The following CFAP46 variants were observed in gnomAD, a reference collection of about 807,000 sequenced individuals.
CFAP46 encodes cilia and flagella associated protein 46, also known as cilia- and flagella-associated protein 46.
CFAP46 carries 245 observed loss-of-function variants against 325.7 expected under a neutral mutation model. That is an observed-to-expected ratio of 0.75 (90% confidence interval 0.68 to 0.84). CFAP46 has a LOEUF of 0.84. CFAP46 is among the 40% of genes least tolerant of loss of function. CFAP46 has a pLI of 0.00. For missense variants in CFAP46, 3,346 were observed against 3,543.0 expected (o/e 0.94, Z 1.41); for synonymous variants, 1,523 against 1,495.9 (o/e 1.02, Z -0.42).
chr10:132,916,087 C>A (rs117949810), intron 17 of CFAP46, among the ~76,000 whole-genome samples: 5,999 of 152,246 alleles, frequency 0.039, 169 homozygotes, highest in South Asian at 0.066. Flanking sequence ...ACACACAAGG[C>A]GTTTTCGAGG....
intron 34 of CFAP46, among the ~76,000 whole-genome samples, chr10:132,866,462 T>G (rs1236068230): frequency 6.6e-6 from 1 of 152,198 alleles, no homozygotes; most frequent in Non-Finnish European, 1.5e-5. Context: ...CGTAGAGCCT[T>G]TGCTACTCCA....
chr10:132,825,082 GA>G (rs1848017455), intron 50 of CFAP46, among the ~76,000 whole-genome samples: 1 of 144,008 alleles, frequency 6.9e-6, no homozygotes, highest in African/African-American at 2.7e-5. Flanking sequence ...TGTGTGCGCT[GA>G]TGTGTGCTGT....
In CFAP46 at chr10:132,817,950, C is replaced by A. The variant is rs996556333; in HGVS notation, c.7118-3036G>T. On this transcript the variant is annotated intron_variant, in intron 50 of 57. Transcript: ENST00000368586. This position sits in a 1 kb window ranked among gnomAD's most constrained non-coding sequence, Gnocchi z 4.4. ...TGGCCACGCCCTCCATCCTCACCGT[C>A]GGCAGCGCAGCCCCCAGGCTCCTTC... Among the ~76,000 whole-genome samples the A allele has an allele frequency of 6.6e-6, 1 of 152,204 alleles. No individual in the cohort carries two copies. Among genetic ancestry groups the A allele is most frequent in the Non-Finnish European group, 1.5e-5 (1 of 68,038 alleles).
At position 132,935,561 on chromosome 10, in the gene CFAP46, C is replaced by T. The variant is rs190176394; in HGVS notation, c.756-699G>A. 2.2e-3 allele frequency among the ~76,000 whole-genome samples: 194 copies of T among 87,460 alleles called. 2 individuals carry two copies. The highest frequency in any genetic ancestry group is 8.1e-3 in the African/African-American group (170 of 21,114). The allele number at this position is 87,460 out of a possible 152,430, so 57.4% of individuals were successfully genotyped here. A position where few individuals can be genotyped will look rare whatever the true frequency, so the allele number is the denominator to read the frequency against. On this transcript the variant is annotated intron_variant, in intron 7 of 57. Transcript: ENST00000368586. The stretch of plus-strand genomic sequence containing the variant: ...CTCCCCTCGGCACCCAAACACACTG[C>T]GATCTTCTCATTCCCCTCAGCACCC...
rs961736440 is a variant in CFAP46 at position 132,889,359 on chromosome 10, A to G, written c.3304+2974T>C. 7.9e-5 allele frequency among the ~76,000 whole-genome samples: 12 copies of G among 152,204 alleles called. No homozygotes were observed. The highest frequency in any genetic ancestry group is 1.5e-4 in the Non-Finnish European group (10 of 68,018). On this transcript the variant is annotated intron_variant, in intron 25 of 57. Coordinates refer to ENST00000368586, the MANE Select transcript of CFAP46 (RefSeq NM_001200049.3). This position sits in a 1 kb window ranked among gnomAD's most constrained non-coding sequence, Gnocchi z 6.0. ...GCCCATGGCTGGAAGGAAGGCACCCATGGCTAGGAGGGCGGCACCCCATTG... is the reference window on the plus strand; with the variant it reads ...GCCCATGGCTGGAAGGAAGGCACCCGTGGCTAGGAGGGCGGCACCCCATTG...
chr10:132,848,041 G>C (rs540338235), intron 41 of CFAP46, among the ~76,000 whole-genome samples: 2 of 152,206 alleles, frequency 1.3e-5, no homozygotes, highest in South Asian at 4.2e-4. Context: ...TCTCGACGGA[G>C]CACACGCCGT....
chr10:132,825,562 C>T (rs1017478192), intron 50 of CFAP46, among the ~76,000 whole-genome samples: 2 of 152,132 alleles, frequency 1.3e-5, no homozygotes, highest in South Asian at 4.1e-4. Flanking sequence ...CCGGTCACAC[C>T]TCAACAAAGT....
intron 22 of CFAP46, among the ~76,000 whole-genome samples, chr10:132,906,214 G>A (rs921080037): frequency 2.0e-5 from 3 of 152,262 alleles, no homozygotes; most frequent in African/African-American, 7.2e-5. Context: ...GGCAGTGCCA[G>A]GCCAGCAGGG....
chr10:132,908,625 T>G lies in CFAP46; in HGVS notation c.2767A>C (p.Met923Leu), dbSNP rs1849494793. ...TCCGACCAGTTGCACTCGGAAGCCA[T>G]TTTCACCAACTTCCGGTGGGTGGCA... ...TVPSLAQLVK[M>L]ASECNWSDPL... Residue 923 changes from methionine to leucine, a missense_variant, in exon 22 of 58, where the codon ATG (methionine) becomes CTG (leucine). By Grantham distance (15) the Met-to-Leu change is conservative. Transcript: ENST00000368586. 6.5e-6 allele frequency: 10 copies of G among 1,535,096 alleles called. No individual in the cohort carries two copies. The highest frequency in any genetic ancestry group is 2.0e-5 in the Admixed American group (1 of 48,840).
chr10:132,899,604 A>G lies in CFAP46; in HGVS notation c.2987T>C (p.Ile996Thr), dbSNP rs889820982. ...CTTCCGGCCCTTCAGGTTTTCCATG[A>G]TGCTCCTGCCCTGGATGGCCGTGGC... is the stretch of plus-strand genomic sequence containing the variant. Reference protein sequence around the residue: ...CTATAIQGRSIMENLKGRKQL... With the variant: ...CTATAIQGRSTMENLKGRKQL... Residue 996 changes from isoleucine to threonine, a missense_variant, in exon 23 of 58, where the codon ATC (isoleucine) becomes ACC (threonine). Transcript: ENST00000368586. 3.1e-5 allele frequency: 48 copies of G among 1,549,894 alleles called. No homozygotes were observed. In the Middle Eastern group the frequency reaches 5.2e-4, roughly 17 times the overall value.
At chr10:132,941,929 T>C (rs537512531) in intron 2 of CFAP46, 51 bp downstream of exon 2, 38 of 1,546,146 alleles carry the variant, frequency 2.5e-5, no homozygotes, top group Middle Eastern at 3.7e-4. Flanking sequence ...CCAGAGGCCC[T>C]CCCTCTCCCT....
At chr10:132,867,129 G>A (rs550871307) in intron 34 of CFAP46, among the ~76,000 whole-genome samples, 1 of 151,660 alleles carries the variant, frequency 6.6e-6, no homozygotes, top group Admixed American at 6.6e-5. Context: ...CACACAGGCC[G>A]GCCCCTCGCA....
chr10:132,812,925 C>T (rs903043990), intron 54 of CFAP46, 28 bp from the exon 55 acceptor site: 7 of 1,565,574 alleles, frequency 4.5e-6, no homozygotes, highest in Non-Finnish European at 6.1e-6. Context: ...CGCTGGTCAA[C>T]AGTGCCCATG....
At position 132,922,508 on chromosome 10, in the gene CFAP46, T is replaced by A; in HGVS notation, c.1457A>T (p.Glu486Val). The change falls in exon 12 of 58, where the codon GAG (glutamate) becomes GTG (valine). Residue 486 changes from glutamate to valine, a missense_variant. Glu to Val is a moderately radical substitution (Grantham distance 121). Coordinates refer to ENST00000368586, the MANE Select transcript of CFAP46 (RefSeq NM_001200049.3). ...CTCAACGGCCATGATGGCCTTGTCC[T>A]CTGCGCGCTCAGGGGCCTGGTATAG... ...TTLYQAPERA[E>V]DKAIMAVEQA... The A allele has an allele frequency of 6.5e-7, 1 of 1,544,904 alleles. No homozygotes were observed. The highest frequency in any genetic ancestry group is 1.4e-5 in the African/African-American group (1 of 73,086).
intron 1 of CFAP46, 69 bp from the exon 2 acceptor site, chr10:132,942,173 C>G (rs1591105313): frequency 6.5e-7 from 1 of 1,533,298 alleles, no homozygotes; most frequent in Admixed American, 2.0e-5. Flanking sequence ...GCAACGCCAT[C>G]CCGAAGGCCC....
intron 45 of CFAP46, 150 bp from the exon 46 acceptor site, chr10:132,836,368 G>C: frequency 1.4e-6 from 1 of 699,976 alleles, no homozygotes; most frequent in South Asian, 1.7e-5. Flanking sequence ...CGCCTCCAGG[G>C]GCACCGCTGG....
intron 28 of CFAP46, among the ~76,000 whole-genome samples, chr10:132,880,651 ACTG>A (rs1849025885): frequency 4.9e-5 from 3 of 61,122 alleles, no homozygotes; most frequent in African/African-American, 2.1e-4. Context: ...AGAGGACAGC[ACTG>A]AGACACGTCA....
In CFAP46 at chr10:132,912,322, C is replaced by T. The variant is rs199580560; in HGVS notation, c.2499+333G>A. Among the ~76,000 whole-genome samples, 255 of 41,776 alleles carry T rather than the reference C, an allele frequency of 6.1e-3. 20 individuals are homozygous for T. Among genetic ancestry groups the T allele is most frequent in the African/African-American group, 0.054 (230 of 4,264 alleles). 27.4% of individuals were successfully genotyped at this position (41,776 alleles called of 152,430 possible). ...TCCTCTCTTTCTCCTGTCTCTTCTCCTCTCTTCTTCTCTCTCTCCTGTCTC... is the reference window on the plus strand; with the variant it reads ...TCCTCTCTTTCTCCTGTCTCTTCTCTTCTCTTCTTCTCTCTCTCCTGTCTC... On this transcript the variant is annotated intron_variant, in intron 19 of 57. Transcript: ENST00000368586.
chr10:132,942,020 C>A lies in CFAP46; in HGVS notation c.134G>T (p.Ser45Ile). Reference sequence around the variant, plus strand: ...TGCACACAGAACAAACAGGTCTGGGCTGAAGCTCTCTGAGGGGTCAAACTC... The same window carrying A: ...TGCACACAGAACAAACAGGTCTGGGATGAAGCTCTCTGAGGGGTCAAACTC... ...KSEFDPSESF[S>I]PDLFVLCAEQ... Residue 45 changes from serine (S) to isoleucine (I), a missense_variant, in exon 2 of 58, where the codon AGC becomes ATC. Transcript: ENST00000368586. 6.4e-7 allele frequency: 1 copy of A among 1,551,750 alleles called. No homozygotes were observed.
Sources: gnomAD v4.1 joint callset for allele counts (sites outside exome capture counted in the v4.1 genomes callset) on GRCh38, gnomAD v4.1.1 for gene constraint, Gnocchi (gnomAD v3.1) non-coding constraint, MANE v1.5 for transcripts, NCBI Gene and HGNC (gene_info 2026-07-23, HGNC 2026-07-21) for gene names.